Variants in NFIX observed in about 807,000 individuals in gnomAD.
The protein encoded by NFIX is nuclear factor I X.
In NFIX, 2 loss-of-function variants were observed where a neutral mutation model predicts 53.3. The ratio of observed to expected loss-of-function variants is 0.04; its 90% CI spans 0.02 to 0.12. The LOEUF (loss-of-function observed/expected upper bound fraction) is 0.12, where lower values mean the gene tolerates loss of function less well. NFIX is among the 10% of genes least tolerant of loss of function. The pLI is 1.00. For synonymous variants in NFIX, 244 were observed against 289.0 expected, an observed-to-expected ratio of 0.84 and a Z score of 1.58; for missense variants, 310 against 674.5, an observed-to-expected ratio of 0.46 and a Z score of 5.99.
intron 2 of NFIX, among the ~76,000 whole-genome samples, chr19:13,056,238 G>A (rs1011685945): frequency 3.9e-5 from 6 of 152,188 alleles, no homozygotes; most frequent in Non-Finnish European, 2.9e-5. Context: ...CCACCGCCCC[G>A]TTCTATATGA....
At chr19:13,020,760 G>T (rs529854529) in intron 1 of NFIX, among the ~76,000 whole-genome samples, 1 of 152,102 alleles carries the variant, frequency 6.6e-6, no homozygotes, top group African/African-American at 2.4e-5. Context: ...CCGCCAGTCC[G>T]TGGAGTTTTG....
Position 13,040,177 on chromosome 19 carries a change from CCCTT to C in NFIX, c.559+14631_559+14634del, listed in dbSNP as rs755484781. On this transcript the variant is annotated intron_variant, in intron 2 of 10. Transcript: ENST00000592199. The surrounding 1 kb of genome is among the most constrained non-coding windows in gnomAD (Gnocchi z 4.2). The stretch of plus-strand genomic sequence containing the variant: ...GGGAAGGAGCAGCCTTCTTCTCAGC[CCCTT>C]CCTTCACCCCTGCCCCCGCTGAGTA... Among the ~76,000 whole-genome samples, 5 of 152,194 alleles carry C rather than the reference CCCTT, an allele frequency of 3.3e-5. No individual in the cohort carries two copies. The highest frequency in any genetic ancestry group is 7.3e-5 in the Non-Finnish European group (5 of 68,036).
chr19:13,067,902 G>A lies in NFIX; in HGVS notation c.560-5145G>A, dbSNP rs1258842458. On this transcript the variant is annotated intron_variant, in intron 2 of 10. Coordinates refer to ENST00000592199, the MANE Select transcript of NFIX (RefSeq NM_001365902.3). The surrounding 1 kb of genome is among the most constrained non-coding windows in gnomAD (Gnocchi z 4.2). ...GGGCGGATCACCAGGTCAGGAGATC[G>A]AGACCATCCTGGCTAACACTGTGAA... Among the ~76,000 whole-genome samples, 3 of 151,936 alleles carry A rather than the reference G, an allele frequency of 2.0e-5. No individual in the cohort carries two copies. Among genetic ancestry groups the A allele is most frequent in the South Asian group, 2.1e-4 (1 of 4,826 alleles).
At position 13,098,297 on chromosome 19, in the gene NFIX, C is replaced by CT. The variant is rs1421573409; in HGVS notation, c.*3649dup. On this transcript the variant is annotated 3_prime_UTR_variant, in exon 11 of 11. Transcript: ENST00000592199. Reference sequence around the variant, plus strand: ...CCCCACCCACCCTCGGGGCGCCCCCCTCCCCCCGCAAGCCAGCCTGGGCCA... The same window carrying CT: ...CCCCACCCACCCTCGGGGCGCCCCCCTTCCCCCCGCAAGCCAGCCTGGGCCA... 14 of 148,122 alleles carry CT rather than the reference C, an allele frequency of 9.5e-5. No individual in the cohort carries two copies. The highest frequency in any genetic ancestry group is 4.0e-4 in the Admixed American group (6 of 14,956). The allele number at this position is 148,122 out of a possible 1,614,324, so 9.2% of individuals were successfully genotyped here. A position where few individuals can be genotyped will look rare whatever the true frequency, so the allele number is the denominator to read the frequency against.
chr19:13,084,359 G>A (rs942455411), intron 8 of NFIX, among the ~76,000 whole-genome samples: 4 of 152,060 alleles, frequency 2.6e-5, no homozygotes, highest in African/African-American at 9.7e-5. Flanking sequence ...CAGAAGAATC[G>A]CTTGAACCCG....
intron 1 of NFIX, chr19:13,023,895 A>G: frequency 2.8e-6 from 2 of 719,830 alleles, no homozygotes; most frequent in South Asian, 3.2e-5. Flanking sequence ...AACACCAATA[A>G]TAACCCCCTT....
chr19:13,018,542 G>A (rs970028056), intron 1 of NFIX, among the ~76,000 whole-genome samples: 1 of 152,196 alleles, frequency 6.6e-6, no homozygotes, highest in Non-Finnish European at 1.5e-5. Context: ...CAAATTATCC[G>A]AGCTCCCTCG....
rs1393542644 is a variant in NFIX at position 13,066,351 on chromosome 19, T to G, written c.560-6696T>G. On this transcript the variant is annotated intron_variant, in intron 2 of 10. Transcript: ENST00000592199. The surrounding 1 kb of genome is among the most constrained non-coding windows in gnomAD (Gnocchi z 4.2). ...ATCTGCCAGGTTCCTGTGCCTTCCC[T>G]ACCCCCCCGCCCCCAACAATGGCTT... is the stretch of plus-strand genomic sequence containing the variant. Among the ~76,000 whole-genome samples, 1 of 144,336 alleles carries G rather than the reference T, an allele frequency of 6.9e-6. No homozygotes were observed. The allele number at this position is 144,336 out of a possible 152,430, so 94.7% of individuals were successfully genotyped here.
chr19:12,999,868 C>G (rs949473586), intron 1 of NFIX, among the ~76,000 whole-genome samples: 5 of 152,234 alleles, frequency 3.3e-5, no homozygotes, highest in Non-Finnish European at 5.9e-5. Context: ...TTTCATGGCA[C>G]TTGGCATTTT....
chr19:13,056,697 C>T (rs1337601712), intron 2 of NFIX, among the ~76,000 whole-genome samples: 1 of 152,208 alleles, frequency 6.6e-6, no homozygotes, highest in Non-Finnish European at 1.5e-5. Context: ...CTTTCTGTTC[C>T]TCACTTACTT....
Position 13,025,470 on chromosome 19 carries a change from C to G in NFIX, c.477C>G (p.Pro159=), listed in dbSNP as rs1364485361. Reference sequence around the variant, plus strand: ...ACAAGTCGCCTCAGTGCTCGAACCCCGGCCTGTGCGTCCAGCCACATCACA... The same window carrying G: ...ACAAGTCGCCTCAGTGCTCGAACCCGGGCCTGTGCGTCCAGCCACATCACA... The part of the protein sequence containing the change: ...RLYKSPQCSN[P]GLCVQPHHIG... The change falls in exon 2 of 11, where the codon CCC becomes CCG. Residue 159 remains proline, a synonymous_variant. Coordinates refer to ENST00000592199, the MANE Select transcript of NFIX (RefSeq NM_001365902.3). This position sits in a 1 kb window ranked among gnomAD's most constrained non-coding sequence, Gnocchi z 7.5. 1.9e-6 allele frequency: 3 copies of G among 1,613,922 alleles called. No individual in the cohort carries two copies. Among genetic ancestry groups the G allele is most frequent in the African/African-American group, 2.7e-5 (2 of 74,938 alleles).
At chr19:13,082,760 TAGG>T (rs1484841220) in intron 8 of NFIX, among the ~76,000 whole-genome samples, 1 of 152,148 alleles carries the variant, frequency 6.6e-6, no homozygotes, top group Admixed American at 6.5e-5. Flanking sequence ...CATGCTGTAA[TAGG>T]AGAAGCTCTA....
chr19:13,001,754 G>C lies in NFIX; in HGVS notation c.27+5890G>C, dbSNP rs76165343. On this transcript the variant is annotated intron_variant, in intron 1 of 10. Transcript: ENST00000592199. The surrounding 1 kb of genome is among the most constrained non-coding windows in gnomAD (Gnocchi z 6.5). Reference sequence around the variant, plus strand: ...TCACTGTGGGTCTCACCCCACGGGCGCCTCTCCTGGGCATTCCCTTGGCCT... The same window carrying C: ...TCACTGTGGGTCTCACCCCACGGGCCCCTCTCCTGGGCATTCCCTTGGCCT... 6.6e-6 allele frequency among the ~76,000 whole-genome samples: 1 copy of C among 152,104 alleles called. No homozygotes were observed. The highest frequency in any genetic ancestry group is 1.5e-5 in the Non-Finnish European group (1 of 68,000).
At chr19:13,019,556 G>A (rs1196528144) in intron 1 of NFIX, among the ~76,000 whole-genome samples, 1 of 151,772 alleles carries the variant, frequency 6.6e-6, no homozygotes, top group African/African-American at 2.4e-5. Context: ...CTCTCTCCAG[G>A]TTTGGCTTTT....
chr19:13,034,146 G>A (rs2145231043), intron 2 of NFIX, among the ~76,000 whole-genome samples: 1 of 152,318 alleles, frequency 6.6e-6, no homozygotes, highest in East Asian at 1.9e-4. Context: ...CTTTGGCAGA[G>A]TCTCAGAGGA....
In NFIX at chr19:13,014,661, C is replaced by A. The variant is rs1347451303; in HGVS notation, c.28-10360C>A. On this transcript the variant is annotated intron_variant, in intron 1 of 10. Transcript: ENST00000592199. This position sits in a 1 kb window ranked among gnomAD's most constrained non-coding sequence, Gnocchi z 4.4. ...GTCTTGGAGAGCCCGTCTTGGCAACCCTGTGCCCTTGATAGAAGAGAGAGC... is the reference window on the plus strand; with the variant it reads ...GTCTTGGAGAGCCCGTCTTGGCAACACTGTGCCCTTGATAGAAGAGAGAGC... 2 of 152,286 alleles carry A rather than the reference C, an allele frequency of 1.3e-5. No homozygotes were observed. The highest frequency in any genetic ancestry group is 2.9e-5 in the Non-Finnish European group (2 of 68,078). 9.4% of individuals were successfully genotyped at this position (152,286 alleles called of 1,614,324 possible).
At chr19:13,033,606 T>A (rs919020195) in intron 2 of NFIX, among the ~76,000 whole-genome samples, 7 of 152,268 alleles carry the variant, frequency 4.6e-5, no homozygotes, top group African/African-American at 1.7e-4. Context: ...TTGTCCCCTG[T>A]GGGCATGCCC....
chr19:13,024,902 G>T (rs1429738993), intron 1 of NFIX, 119 bp from the exon 2 acceptor site: 22 of 1,398,228 alleles, frequency 1.6e-5, no homozygotes, highest in Non-Finnish European at 2.0e-5. Flanking sequence ...AGGAGAAGGC[G>T]GTTTTCCTTG....
intron 1 of NFIX, among the ~76,000 whole-genome samples, chr19:13,003,690 G>A (rs986075910): frequency 1.3e-5 from 2 of 151,936 alleles, no homozygotes; most frequent in Non-Finnish European, 2.9e-5. Context: ...CCAGGCTGGA[G>A]CACAGTGGTG....
Sources: gnomAD v4.1 joint callset for allele counts (sites outside exome capture counted in the v4.1 genomes callset) on GRCh38, gnomAD v4.1.1 for gene constraint, Gnocchi (gnomAD v3.1) non-coding constraint, MANE v1.5 for transcripts, NCBI Gene and HGNC (gene_info 2026-07-23, HGNC 2026-07-21) for gene names.